Variants in MGAT4C observed in about 807,000 individuals in gnomAD.
MGAT4C encodes alpha-1,3-mannosyl-glycoprotein 4-beta-N-acetylglucosaminyltransferase C.
In MGAT4C, 19 loss-of-function variants were observed where a neutral mutation model predicts 40.1. That is an observed-to-expected ratio of 0.47 (90% CI 0.33 to 0.70). MGAT4C has a LOEUF of 0.70. MGAT4C is among the 30% of genes least tolerant of loss of function. The pLI is 0.02. For missense variants in MGAT4C, 491 were observed against 563.2 expected, an observed-to-expected ratio of 0.87 and a Z score of 1.30; for synonymous variants, 181 against 187.1, an observed-to-expected ratio of 0.97 and a Z score of 0.27.
chr12:86,243,736 C>G (rs527909546), intron 1 of MGAT4C, among the ~76,000 whole-genome samples: 1 of 152,046 alleles, frequency 6.6e-6, no homozygotes, highest in South Asian at 2.1e-4. Context: ...GGTCTGAAAA[C>G]GAACCCTGAA....
intron 3 of MGAT4C, among the ~76,000 whole-genome samples, chr12:86,347,295 T>A (rs1180164147): frequency 6.6e-6 from 1 of 152,142 alleles, no homozygotes; most frequent in Admixed American, 6.5e-5. Flanking sequence ...ATATGTAGTA[T>A]TTCATCACTG....
At chr12:86,587,744 CTGTT>C (rs1235969088) in intron 2 of MGAT4C, among the ~76,000 whole-genome samples, 3 of 151,116 alleles carry the variant, frequency 2.0e-5, no homozygotes, top group Non-Finnish European at 3.0e-5. Context: ...ATTTGGCTCT[CTGTT>C]TGTCTCTTAT....
At chr12:86,226,892 C>CTACTAGTG (rs1951105924) in intron 1 of MGAT4C, among the ~76,000 whole-genome samples, 2 of 151,874 alleles carry the variant, frequency 1.3e-5, no homozygotes, top group South Asian at 4.1e-4. Flanking sequence ...CAACCCACTC[C>CTACTAGTG]TACTAGTGCT....
chr12:86,761,174 G>T (rs1325656232), intron 1 of MGAT4C, among the ~76,000 whole-genome samples: 1 of 152,052 alleles, frequency 6.6e-6, no homozygotes, highest in Non-Finnish European at 1.5e-5. Context: ...ATGGAATGAT[G>T]GCACTTAGTA....
chr12:86,782,042 G>T (rs1951850700), intron 1 of MGAT4C, among the ~76,000 whole-genome samples: 1 of 151,918 alleles, frequency 6.6e-6, no homozygotes, highest in African/African-American at 2.4e-5. Context: ...GCCCAGGCTG[G>T]AGTGCAGTGG....
chr12:86,764,304 C>T (rs1951460241), intron 1 of MGAT4C, among the ~76,000 whole-genome samples: 1 of 152,070 alleles, frequency 6.6e-6, no homozygotes, highest in East Asian at 1.9e-4. Context: ...GGCAGCGAGG[C>T]TGGGGGAGGG....
chr12:86,792,862 C>T (rs1303965706), intron 1 of MGAT4C, among the ~76,000 whole-genome samples: 1 of 152,068 alleles, frequency 6.6e-6, no homozygotes, highest in Non-Finnish European at 1.5e-5. Context: ...ACCTGGAGGG[C>T]AGAGGTTGCA....
chr12:86,364,513 A>G (rs1267029244), intron 3 of MGAT4C, among the ~76,000 whole-genome samples: 1 of 152,134 alleles, frequency 6.6e-6, no homozygotes, highest in Admixed American at 6.5e-5. Context: ...TCTTCTGCAT[A>G]TGGCTAGCCA....
Position 86,262,670 on chromosome 12 carries a change from T to G in MGAT4C, c.-57+71395A>C, listed in dbSNP as rs777549091. ...TTTAGAGTACATTCATATATAGATA[T>G]TCTAGTATACTACACAAAATATGCA... is the stretch of plus-strand genomic sequence containing the variant. On this transcript the variant is annotated intron_variant, in intron 4 of 7. Coordinates refer to the MGAT4C transcript ENST00000548651. Among the ~76,000 whole-genome samples, 33 of 152,218 alleles carry G rather than the reference T, an allele frequency of 2.2e-4. No homozygotes were observed. The East Asian group carries it at 6.2e-3, about 29-fold the overall frequency.
chr12:86,675,502 A>T (rs989427530), intron 2 of MGAT4C, among the ~76,000 whole-genome samples: 3 of 152,164 alleles, frequency 2.0e-5, no homozygotes, highest in Non-Finnish European at 4.4e-5. Context: ...AAGGCTTTTA[A>T]AGATTGTATG....
intron 1 of MGAT4C, among the ~76,000 whole-genome samples, chr12:86,113,785 T>G (rs1266079786): frequency 6.6e-6 from 1 of 151,926 alleles, no homozygotes; most frequent in African/African-American, 2.4e-5. Flanking sequence ...ATTAAGATTT[T>G]ACACTGCAAG....
chr12:86,313,409 G>C (rs1954126050), intron 4 of MGAT4C, among the ~76,000 whole-genome samples: 1 of 152,094 alleles, frequency 6.6e-6, no homozygotes, highest in African/African-American at 2.4e-5. Context: ...CATGAAATCA[G>C]CATATTTAGC....
At chr12:86,724,852 C>G (rs1424781878) in intron 2 of MGAT4C, among the ~76,000 whole-genome samples, 2 of 152,172 alleles carry the variant, frequency 1.3e-5, no homozygotes, top group East Asian at 3.8e-4. Flanking sequence ...CTCTAGTAAC[C>G]ACCATTCTAC....
At chr12:86,010,817 CCATT>C (rs2136818180) in intron 2 of MGAT4C, among the ~76,000 whole-genome samples, 1 of 152,212 alleles carries the variant, frequency 6.6e-6, no homozygotes, top group Non-Finnish European at 1.5e-5. Context: ...ATGGATTAAT[CCATT>C]CATGGATTAA....
intron 2 of MGAT4C, among the ~76,000 whole-genome samples, chr12:86,723,418 G>T (rs918923791): frequency 5.3e-5 from 8 of 152,122 alleles, no homozygotes; most frequent in African/African-American, 1.9e-4. Flanking sequence ...TTGAAATCAA[G>T]ATGGCCCTTT....
At position 85,979,615 on chromosome 12, in the gene MGAT4C, TC is replaced by T. The variant is rs1244926230; in HGVS notation, c.1110del (p.Lys371AsnfsTer10). ...AYSSVDEYFW[G>X]KPPSTGDVFV... ...AAAACATCTCCTGTTGAAGGTGGTTTCCCCCAAAAGTACTCATCAACACTAC... is the reference window on the plus strand; with the variant it reads ...AAAACATCTCCTGTTGAAGGTGGTTTCCCCAAAAGTACTCATCAACACTAC... On this transcript the variant is annotated frameshift_variant, in exon 5 of 5. Coordinates refer to ENST00000611864, the MANE Select transcript of MGAT4C (RefSeq NM_001351288.2). LOFTEE classifies it high-confidence loss of function. 6.2e-7 allele frequency: 1 copy of T among 1,611,242 alleles called. No homozygotes were observed.
intron 1 of MGAT4C, among the ~76,000 whole-genome samples, chr12:86,187,300 T>G (rs183914177): frequency 7.3e-4 from 111 of 152,172 alleles, no homozygotes; most frequent in Non-Finnish European, 8.8e-5. Flanking sequence ...AGTTTGAAGT[T>G]TTGCAAATCT....
At chr12:86,517,721 C>T (rs543666861) in intron 2 of MGAT4C, among the ~76,000 whole-genome samples, 4 of 152,340 alleles carry the variant, frequency 2.6e-5, no homozygotes, top group Admixed American at 2.6e-4. Flanking sequence ...TCTCGGCTCA[C>T]TGCAAGTTCC....
chr12:86,762,383 C>T (rs1360296641), intron 1 of MGAT4C, among the ~76,000 whole-genome samples: 1 of 151,992 alleles, frequency 6.6e-6, no homozygotes, highest in Non-Finnish European at 1.5e-5. Context: ...GGCTTAGGGT[C>T]CTTTTCCAAA....
Sources: gnomAD v4.1 joint callset for allele counts (sites outside exome capture counted in the v4.1 genomes callset) on GRCh38, gnomAD v4.1.1 for gene constraint, MANE v1.5 for transcripts, NCBI Gene and HGNC (gene_info 2026-07-23, HGNC 2026-07-21) for gene names.